DLGAP2: variants seen among roughly 807,000 people sequenced by gnomAD.
DLGAP2 encodes disks large-associated protein 2.
In DLGAP2, 26 loss-of-function variants were observed where a neutral mutation model predicts 100.3. The observed-to-expected ratio is 0.26, with a 90% confidence interval of 0.19 to 0.36. DLGAP2 has a LOEUF of 0.36. Ranked by LOEUF, DLGAP2 falls within the 10% of genes least tolerant of loss-of-function variation. The probability of loss-of-function intolerance (pLI) is 1.00; values close to 1 mark genes in which losing one functional copy is unlikely to be tolerated. For synonymous variants in DLGAP2, 886 were observed against 630.1 expected (o/e 1.41, Z -6.08); for missense variants, 1,858 against 1,453.2 (o/e 1.28, Z -4.53).
chr8:1,537,061 CTGGTATGTGGTATGTGGTATG>C (rs67410338), intron 4 of DLGAP2, among the ~76,000 whole-genome samples: 3 of 150,540 alleles, frequency 2.0e-5, no homozygotes, highest in Admixed American at 6.6e-5. Context: ...GGCAGCACCA[CTGGTATGTGGTATGTGGTATG>C]TGGTATGTGG....
chr8:1,617,381 A>G (rs566984946), intron 6 of DLGAP2, among the ~76,000 whole-genome samples: 1 of 152,298 alleles, frequency 6.6e-6, no homozygotes, highest in East Asian at 1.9e-4. Context: ...ACAGCCTCAC[A>G]GCATCTGTTG....
chr8:1,414,515 C>G (rs969321516), intron 3 of DLGAP2, among the ~76,000 whole-genome samples: 5 of 152,120 alleles, frequency 3.3e-5, no homozygotes, highest in African/African-American at 1.2e-4. Flanking sequence ...AGAGCAGAAG[C>G]GGAAGGTGGC....
At chr8:760,432 G>C (rs776554021) in intron 1 of DLGAP2, among the ~76,000 whole-genome samples, 3 of 152,074 alleles carry the variant, frequency 2.0e-5, no homozygotes, top group East Asian at 3.8e-4. Context: ...TCATTTTGTT[G>C]ATGTCCGTCT....
chr8:960,847 T>G (rs1021888393), intron 2 of DLGAP2, among the ~76,000 whole-genome samples: 2 of 152,228 alleles, frequency 1.3e-5, no homozygotes, highest in African/African-American at 4.8e-5. Flanking sequence ...GTCCAAATGC[T>G]TCTTGACTTA....
intron 1 of DLGAP2, among the ~76,000 whole-genome samples, chr8:745,044 G>C (rs1820583260): frequency 6.6e-6 from 1 of 152,186 alleles, no homozygotes; most frequent in Non-Finnish European, 1.5e-5. Flanking sequence ...ACAGTTGCAT[G>C]AACTCGTAAA....
chr8:1,508,041 C>G (rs1209050151), intron 4 of DLGAP2, among the ~76,000 whole-genome samples: 1 of 151,886 alleles, frequency 6.6e-6, no homozygotes, highest in Non-Finnish European at 1.5e-5. Flanking sequence ...GTCAGTTAAT[C>G]ACATGAAAGC....
At chr8:797,582 G>A (rs1051787946) in intron 1 of DLGAP2, among the ~76,000 whole-genome samples, 1 of 152,074 alleles carries the variant, frequency 6.6e-6, no homozygotes, top group African/African-American at 2.4e-5. Flanking sequence ...AGGAACTGCT[G>A]GCCATAGATG....
chr8:961,927 A>C (rs1239988313), intron 2 of DLGAP2, among the ~76,000 whole-genome samples: 1 of 152,190 alleles, frequency 6.6e-6, no homozygotes, highest in Non-Finnish European at 1.5e-5. Flanking sequence ...TTTGCTGGCA[A>C]GGCCGATCAA....
intron 12 of DLGAP2, among the ~76,000 whole-genome samples, chr8:1,689,972 C>T (rs142094099): frequency 4.9e-4 from 74 of 152,290 alleles, no homozygotes; most frequent in African/African-American, 1.7e-3. Flanking sequence ...GGGTTCCAGT[C>T]GATTCCTGTG....
chr8:1,152,355 A>G lies in DLGAP2; in HGVS notation c.74-106496A>G, dbSNP rs151312265. Among the ~76,000 whole-genome samples, 160 of 152,368 alleles carry G rather than the reference A, an allele frequency of 1.1e-3. 1 individual carries two copies. The highest frequency in any genetic ancestry group is 6.8e-3 in the Middle Eastern group (2 of 294). ...TGTTAAATTTCCCGCTAGAACTACC[A>G]TCATTAAAACACAGAGTTTGATGGA... On this transcript the variant is annotated intron_variant, in intron 2 of 14. Transcript: ENST00000637795.
chr8:1,201,349 C>A (rs1229168352), intron 2 of DLGAP2, among the ~76,000 whole-genome samples: 1 of 152,182 alleles, frequency 6.6e-6, no homozygotes, highest in Admixed American at 6.5e-5. Flanking sequence ...TGCTCCCGCT[C>A]AGGGGCCGTG....
intron 3 of DLGAP2, among the ~76,000 whole-genome samples, chr8:1,470,137 G>A (rs1339436368): frequency 1.3e-5 from 2 of 152,258 alleles, no homozygotes; most frequent in East Asian, 1.9e-4. Context: ...ACTGCAGCCT[G>A]GGTGACAGGG....
chr8:1,190,478 G>A (rs1178331210), intron 2 of DLGAP2, among the ~76,000 whole-genome samples: 3 of 152,096 alleles, frequency 2.0e-5, no homozygotes, highest in Admixed American at 6.5e-5. Flanking sequence ...ACTTGGTGCC[G>A]GGCAATCTTT....
chr8:1,633,773 G>T (rs1394646887), intron 8 of DLGAP2, among the ~76,000 whole-genome samples: 2 of 152,312 alleles, frequency 1.3e-5, no homozygotes, highest in East Asian at 3.9e-4. Context: ...CATAGTGTTG[G>T]GGACTGAGGT....
intron 2 of DLGAP2, among the ~76,000 whole-genome samples, chr8:942,955 CG>C (rs1478643912): frequency 6.6e-6 from 1 of 152,216 alleles, no homozygotes; most frequent in Non-Finnish European, 1.5e-5. Flanking sequence ...CAAGGGTGTG[CG>C]GAACACCATC....
Position 1,347,281 on chromosome 8 carries a change from C to G in DLGAP2, c.106+88398C>G, listed in dbSNP as rs1023859673. Among the ~76,000 whole-genome samples the G allele has an allele frequency of 3.9e-5, 6 of 151,962 alleles. No homozygotes were observed. In the East Asian group the frequency reaches 5.8e-4, roughly 15 times the overall value. ...AGTTCCCACATAGAGCTACACTGCA[C>G]TCACGGTAGCTGTGTGGAGGTTGAG... On this transcript the variant is annotated intron_variant, in intron 3 of 14. Transcript: ENST00000637795.
chr8:1,231,714 A>G (rs1351122595), intron 2 of DLGAP2, among the ~76,000 whole-genome samples: 2 of 152,208 alleles, frequency 1.3e-5, no homozygotes, highest in Non-Finnish European at 2.9e-5. Flanking sequence ...TACTAAAAGA[A>G]CTAACACAGG....
At chr8:754,227 C>T (rs907459843) in intron 1 of DLGAP2, 5 of 152,358 alleles carry the variant, frequency 3.3e-5, no homozygotes, top group South Asian at 2.1e-4. Context: ...TGACGGATTT[C>T]GTCCACTGTC....
At chr8:957,974 C>T (rs1799633683) in intron 2 of DLGAP2, among the ~76,000 whole-genome samples, 1 of 152,178 alleles carries the variant, frequency 6.6e-6, no homozygotes, top group South Asian at 2.1e-4. Flanking sequence ...GTGACCCTCA[C>T]CACTGTCCAC....
Sources: gnomAD v4.1 joint callset for allele counts (sites outside exome capture counted in the v4.1 genomes callset) on GRCh38, gnomAD v4.1.1 for gene constraint, MANE v1.5 for transcripts, NCBI Gene and HGNC (gene_info 2026-07-23, HGNC 2026-07-21) for gene names.